The following TNRC6B variants were observed in gnomAD, a reference collection of about 807,000 sequenced individuals.
The protein encoded by TNRC6B is trinucleotide repeat containing adaptor 6B, also known as trinucleotide repeat-containing gene 6B protein.
A neutral mutation model predicts 203.6 loss-of-function variants in TNRC6B; 52 were observed. That is an observed-to-expected ratio of 0.26 (90% CI 0.20 to 0.32). TNRC6B has a LOEUF of 0.32. Ranked by LOEUF, TNRC6B falls within the 10% of genes least tolerant of loss-of-function variation. TNRC6B has a pLI of 1.00. For synonymous variants in TNRC6B, 838 were observed against 845.7 expected, an observed-to-expected ratio of 0.99 and a Z score of 0.16; for missense variants, 1,923 against 2,286.2, an observed-to-expected ratio of 0.84 and a Z score of 3.24.
intron 11 of TNRC6B, 113 bp from the exon 12 acceptor site, chr22:40,285,532 T>C (rs2070768754): frequency 2.3e-6 from 3 of 1,292,140 alleles, no homozygotes; most frequent in Non-Finnish European, 2.1e-6. Context: ...AATTCTGTTA[T>C]TCCATCGAAC....
At chr22:40,315,643 A>G in intron 20 of TNRC6B, 136 bp downstream of exon 20, 1 of 1,048,248 alleles carries the variant, frequency 9.5e-7, no homozygotes, top group Non-Finnish European at 1.4e-6. Context: ...GTAGAGGAAA[A>G]GGTACCTCTT....
At chr22:40,076,918 T>G (rs892435646) in intron 1 of TNRC6B, among the ~76,000 whole-genome samples, 1 of 152,002 alleles carries the variant, frequency 6.6e-6, no homozygotes, top group African/African-American at 2.4e-5. Flanking sequence ...CCAGCTACTC[T>G]GAGGAGTGAG....
intron 1 of TNRC6B, among the ~76,000 whole-genome samples, chr22:40,240,329 A>T (rs185476581): frequency 9.1e-4 from 138 of 152,154 alleles, no homozygotes; most frequent in African/African-American, 3.1e-3. Flanking sequence ...CCTGCACAGT[A>T]CCTCCCACAC....
intron 1 of TNRC6B, among the ~76,000 whole-genome samples, chr22:40,235,053 TTTC>T (rs2069929085): frequency 6.6e-6 from 1 of 152,214 alleles, no homozygotes; most frequent in South Asian, 2.1e-4. Flanking sequence ...TTTGTTAATT[TTTC>T]TTACCCCAAA....
intron 2 of TNRC6B, among the ~76,000 whole-genome samples, chr22:40,118,734 T>A (rs1017096812): frequency 3.3e-5 from 5 of 152,206 alleles, no homozygotes; most frequent in Non-Finnish European, 5.9e-5. Flanking sequence ...CTAATCCTTA[T>A]CACATAGAGG....
chr22:40,077,876 T>A (rs73422374), intron 1 of TNRC6B, among the ~76,000 whole-genome samples: 3,109 of 152,358 alleles, frequency 0.02, 90 homozygotes, highest in African/African-American at 0.07. Flanking sequence ...ACTATCTTTC[T>A]GTGTCAGTAA....
At chr22:40,225,635 C>T (rs539399802) in intron 1 of TNRC6B, among the ~76,000 whole-genome samples, 11 of 147,288 alleles carry the variant, frequency 7.5e-5, no homozygotes, top group South Asian at 6.7e-4. Flanking sequence ...CCCAGCTACG[C>T]GGGAGGCTGA....
At chr22:40,246,178 G>A in intron 2 of TNRC6B, 76 bp downstream of exon 2, 2 of 1,161,970 alleles carry the variant, frequency 1.7e-6, no homozygotes, top group Non-Finnish European at 2.4e-6. Flanking sequence ...GTCTTGGCTT[G>A]AATATCCGAT....
chr22:40,154,840 CAAAAAAAA>C (rs57206167), intron 3 of TNRC6B, among the ~76,000 whole-genome samples: 539 of 29,170 alleles, frequency 0.018, 8 homozygotes, highest in South Asian at 0.044. Flanking sequence ...GACTCTATCT[CAAAAAAAA>C]AAAAAAAAAA....
rs373001133 is a variant in TNRC6B at position 40,285,758 on chromosome 22, T to C, written c.3696T>C (p.Phe1232=). ...TCCGGGCGCAAGTGCCTCCCCAGTT[T>C]ATTTCCCCCCAGGTAAGCAATTTTA... ...PSLRAQVPPQ[F]ISPQVSASML... is the part of the protein sequence containing the mutation. The change falls in exon 12 of 23, where the codon TTT becomes TTC. Residue 1232 remains phenylalanine, a synonymous_variant. Coordinates refer to ENST00000454349, the MANE Select transcript of TNRC6B (RefSeq NM_001162501.2). 11 of 1,613,754 alleles carry C rather than the reference T, an allele frequency of 6.8e-6. No individual in the cohort carries two copies. The highest frequency in any genetic ancestry group is 1.7e-4 in the Middle Eastern group (1 of 6,060).
chr22:40,177,955 G>C lies in TNRC6B; in HGVS notation c.-181G>C, dbSNP rs984755647. 1 of 1,420,998 alleles carries C rather than the reference G, an allele frequency of 7.0e-7. No homozygotes were observed. The allele number at this position is 1,420,998 out of a possible 1,614,324, so 88.0% of individuals were successfully genotyped here. On this transcript the variant is annotated 5_prime_UTR_variant, in exon 1 of 23. Transcript: ENST00000454349. ...CAGAGAGGGAGAGAGAGAGCAAGAGGGAGAGTGTGTGAGAGAGAGTTAGTT... is the reference window on the plus strand; with the variant it reads ...CAGAGAGGGAGAGAGAGAGCAAGAGCGAGAGTGTGTGAGAGAGAGTTAGTT...
At chr22:40,237,789 A>T (rs1485446972) in intron 1 of TNRC6B, among the ~76,000 whole-genome samples, 1 of 151,862 alleles carries the variant, frequency 6.6e-6, no homozygotes, top group Non-Finnish European at 1.5e-5. Flanking sequence ...GCCTCATGGA[A>T]GGCAGCCCCC....
At chr22:40,209,492 A>G (rs1407886278) in intron 1 of TNRC6B, among the ~76,000 whole-genome samples, 1 of 152,110 alleles carries the variant, frequency 6.6e-6, no homozygotes, top group Non-Finnish European at 1.5e-5. Context: ...TCTGTAATTT[A>G]CTTAAAGGCT....
intron 1 of TNRC6B, among the ~76,000 whole-genome samples, chr22:40,210,692 A>G (rs1217986052): frequency 6.6e-6 from 1 of 152,232 alleles, no homozygotes; most frequent in African/African-American, 2.4e-5. Flanking sequence ...CTATTAACAT[A>G]TTGTTGGTAG....
chr22:40,164,779 GT>G lies in TNRC6B; in HGVS notation c.113+8612del, dbSNP rs36044175. On this transcript the variant is annotated intron_variant, in intron 4 of 23. Transcript: ENST00000301923. ...CTGTCTCAAAAAAAAAAAAAAAAAA[GT>G]TTTTTTTTTTTTTTCCCTGAAATAG... Among the ~76,000 whole-genome samples the G allele has an allele frequency of 1.5e-3, 174 of 113,864 alleles. 1 individual carries two copies. Among genetic ancestry groups the G allele is most frequent in the Middle Eastern group, 0.013 (2 of 150 alleles). 74.7% of individuals were successfully genotyped at this position (113,864 alleles called of 152,430 possible).
intron 13 of TNRC6B, 72 bp downstream of exon 13, chr22:40,300,658 T>C (rs2071010898): frequency 3.3e-6 from 5 of 1,533,232 alleles, no homozygotes; most frequent in African/African-American, 1.4e-5. Context: ...TTTGATTTGC[T>C]TCCCACATCT....
At chr22:40,062,213 T>A (rs2067859382) in intron 1 of TNRC6B, among the ~76,000 whole-genome samples, 1 of 152,226 alleles carries the variant, frequency 6.6e-6, no homozygotes, top group Admixed American at 6.5e-5. Context: ...TATTTATTTA[T>A]TTTTTGAGAT....
chr22:40,191,814 G>A (rs1420055085), intron 1 of TNRC6B, among the ~76,000 whole-genome samples: 1 of 152,146 alleles, frequency 6.6e-6, no homozygotes, highest in African/African-American at 2.4e-5. Flanking sequence ...GCAGTGGCAC[G>A]ATCTCAGCTC....
chr22:40,173,383 C>T (rs936768827), upstream of TNRC6B, among the ~76,000 whole-genome samples: 15 of 151,064 alleles, frequency 9.9e-5, no homozygotes, highest in African/African-American at 3.2e-4. Flanking sequence ...TGAGCCATCA[C>T]GCCTGGCCTA....
Sources: allele counts gnomAD v4.1 joint callset (sites outside exome capture counted in the v4.1 genomes callset), GRCh38; gene constraint gnomAD v4.1.1; transcripts MANE v1.5; gene names NCBI Gene and HGNC (gene_info 2026-07-23, HGNC 2026-07-21).